Variants in ATP8A2 observed in about 807,000 individuals in gnomAD.
ATP8A2 encodes the protein phospholipid-transporting ATPase IB.
A neutral mutation model predicts 165.6 loss-of-function variants in ATP8A2; 100 were observed. The ratio of observed to expected loss-of-function variants is 0.60; its 90% CI spans 0.51 to 0.71. The LOEUF (loss-of-function observed/expected upper bound fraction) is 0.71, where lower values mean the gene tolerates loss of function less well. Ranked by LOEUF, ATP8A2 falls within the 30% of genes least tolerant of loss-of-function variation. The pLI is 0.00. For missense variants in ATP8A2, 1,227 were observed against 1,479.5 expected, an observed-to-expected ratio of 0.83 and a Z score of 2.80; for synonymous variants, 543 against 548.8, an observed-to-expected ratio of 0.99 and a Z score of 0.15.
intron 1 of ATP8A2, among the ~76,000 whole-genome samples, chr13:25,453,113 T>G (rs1363205340): frequency 6.6e-6 from 1 of 151,662 alleles, no homozygotes; most frequent in Non-Finnish European, 1.5e-5. Flanking sequence ...AAAAATAGTG[T>G]TATATGAACG....
intron 25 of ATP8A2, among the ~76,000 whole-genome samples, chr13:25,732,371 T>G (rs556492903): frequency 6.6e-6 from 1 of 152,320 alleles, no homozygotes; most frequent in Admixed American, 6.5e-5. Context: ...CCATTCACAC[T>G]GCAGTCCTCT....
chr13:25,564,557 T>TA (rs2039256012), intron 16 of ATP8A2, among the ~76,000 whole-genome samples: 1 of 152,200 alleles, frequency 6.6e-6, no homozygotes, highest in Non-Finnish European at 1.5e-5. Flanking sequence ...TGGCGAGTAG[T>TA]TACCCAGCGC....
intron 2 of ATP8A2, among the ~76,000 whole-genome samples, chr13:25,514,749 T>G (rs2037410501): frequency 6.6e-6 from 1 of 152,204 alleles, no homozygotes; most frequent in Non-Finnish European, 1.5e-5. Context: ...CCCTTTGCTT[T>G]CTATGCTTGC....
chr13:25,893,056 A>G (rs1354806791), intron 33 of ATP8A2, among the ~76,000 whole-genome samples: 1 of 150,922 alleles, frequency 6.6e-6, no homozygotes, highest in Non-Finnish European at 1.5e-5. Flanking sequence ...TCTTTTTTTT[A>G]TTATTATTAT....
At chr13:25,510,205 A>T (rs909399092) in intron 2 of ATP8A2, among the ~76,000 whole-genome samples, 11 of 130,814 alleles carry the variant, frequency 8.4e-5, no homozygotes, top group Admixed American at 6.2e-4. Context: ...ACACACACAC[A>T]CACACACACA....
chr13:25,372,055 T>C lies in ATP8A2; in HGVS notation c.-158T>C, dbSNP rs904736176. The C allele has an allele frequency of 3.0e-6, 1 of 338,816 alleles. No individual in the cohort carries two copies. Among genetic ancestry groups the C allele is most frequent in the Non-Finnish European group, 4.9e-6 (1 of 202,948 alleles). The allele number at this position is 338,816 out of a possible 1,614,324, so 21.0% of individuals were successfully genotyped here. A position where few individuals can be genotyped will look rare whatever the true frequency, so the allele number is the denominator to read the frequency against. On this transcript the variant is annotated 5_prime_UTR_variant, in exon 1 of 37. Coordinates refer to ENST00000381655, the MANE Select transcript of ATP8A2 (RefSeq NM_016529.6). This position sits in a 1 kb window ranked among gnomAD's most constrained non-coding sequence, Gnocchi z 4.8. ...CCGCTGCGGCACGGACGGCGCAGCC[T>C]CGGGCGCGGCCCGGCACAGGCGCCG... is the stretch of plus-strand genomic sequence containing the variant.
intron 1 of ATP8A2, among the ~76,000 whole-genome samples, chr13:25,439,994 G>A (rs753719146): frequency 1.3e-5 from 2 of 152,160 alleles, no homozygotes; most frequent in African/African-American, 2.4e-5. Flanking sequence ...AAATCCAAAG[G>A]TCATTTTATG....
chr13:25,961,541 G>C lies in ATP8A2; in HGVS notation c.3184-34G>C, dbSNP rs1185492343. ...TGTTGCTCTGTTTTTGAAAGAGAAA[G>C]TATTCAAGCAAGTGTCACTTCTATT... On this transcript the variant is annotated intron_variant, in intron 33 of 36. Transcript: ENST00000381655. The C allele has an allele frequency of 3.4e-6, 5 of 1,488,376 alleles. No individual in the cohort carries two copies. The African/African-American group carries it at 5.5e-5, about 16-fold the overall frequency. 92.2% of individuals were successfully genotyped at this position (1,488,376 alleles called of 1,614,324 possible).
chr13:25,823,765 T>G (rs559644797), intron 27 of ATP8A2, among the ~76,000 whole-genome samples: 2 of 152,320 alleles, frequency 1.3e-5, no homozygotes, highest in African/African-American at 4.8e-5. Context: ...TTTCCTAGGA[T>G]GAAGGATCCC....
intron 33 of ATP8A2, among the ~76,000 whole-genome samples, chr13:25,958,321 T>A (rs996679556): frequency 2.6e-5 from 4 of 152,138 alleles, no homozygotes; most frequent in African/African-American, 9.7e-5. Context: ...AAATTAACCT[T>A]TTCTAGTTTG....
intron 25 of ATP8A2, among the ~76,000 whole-genome samples, chr13:25,761,215 C>G (rs2044372191): frequency 6.6e-6 from 1 of 152,176 alleles, no homozygotes; most frequent in Non-Finnish European, 1.5e-5. Flanking sequence ...CATCTGGGCT[C>G]TTACATTACT....
At chr13:25,735,554 C>T (rs1262591133) in intron 25 of ATP8A2, among the ~76,000 whole-genome samples, 5 of 150,200 alleles carry the variant, frequency 3.3e-5, no homozygotes, top group Non-Finnish European at 5.9e-5. Flanking sequence ...AACCTCCACA[C>T]TGGCAAGGGT....
At position 25,905,039 on chromosome 13, in the gene ATP8A2, C is replaced by T. The variant is rs9581474; in HGVS notation, c.3183+42631C>T. Among the ~76,000 whole-genome samples the T allele has an allele frequency of 1.4e-3, 218 of 152,200 alleles. 1 individual carries two copies. Among genetic ancestry groups the T allele is most frequent in the African/African-American group, 4.5e-3 (188 of 41,522 alleles). ...GTACGCCCCACCCCCGCCACCGCCCCGAGGAGAAGAGTGTGTGCCCAGCCT... is the reference window on the plus strand; with the variant it reads ...GTACGCCCCACCCCCGCCACCGCCCTGAGGAGAAGAGTGTGTGCCCAGCCT... On this transcript the variant is annotated intron_variant, in intron 33 of 36. Transcript: ENST00000381655.
intron 27 of ATP8A2, among the ~76,000 whole-genome samples, chr13:25,821,996 C>T (rs558989016): frequency 3.3e-4 from 50 of 152,214 alleles, no homozygotes; most frequent in African/African-American, 1.1e-3. Flanking sequence ...ATTAATGATC[C>T]CTTATGTTTC....
intron 32 of ATP8A2, among the ~76,000 whole-genome samples, chr13:25,861,324 A>G (rs908058136): frequency 1.3e-5 from 2 of 152,214 alleles, no homozygotes; most frequent in African/African-American, 4.8e-5. Flanking sequence ...TTTAATTTAA[A>G]TATATATTAG....
intron 33 of ATP8A2, among the ~76,000 whole-genome samples, chr13:25,879,480 G>A (rs762362703): frequency 6.6e-5 from 10 of 152,190 alleles, no homozygotes; most frequent in Non-Finnish European, 8.8e-5. Context: ...TGAAAAAGCC[G>A]AAGAACCAGG....
chr13:25,866,915 A>G (rs1375228775), intron 33 of ATP8A2, among the ~76,000 whole-genome samples: 2 of 152,184 alleles, frequency 1.3e-5, no homozygotes, highest in Non-Finnish European at 2.9e-5. Context: ...GACGGTGACC[A>G]CCGTAAGGGC....
At chr13:25,529,153 A>G (rs1477476107) in intron 2 of ATP8A2, among the ~76,000 whole-genome samples, 2 of 152,120 alleles carry the variant, frequency 1.3e-5, no homozygotes, top group Non-Finnish European at 2.9e-5. Flanking sequence ...ATATATTATA[A>G]TTAAGAATAG....
chr13:25,831,370 G>A (rs542257409), intron 28 of ATP8A2, among the ~76,000 whole-genome samples: 8 of 151,494 alleles, frequency 5.3e-5, no homozygotes, highest in East Asian at 3.9e-4. Flanking sequence ...GCCCGCCACC[G>A]CGCCCGGCTA....
Sources: allele counts gnomAD v4.1 joint callset (sites outside exome capture counted in the v4.1 genomes callset), GRCh38; gene constraint gnomAD v4.1.1; non-coding constraint Gnocchi (gnomAD v3.1); transcripts MANE v1.5; gene names NCBI Gene and HGNC (gene_info 2026-07-23, HGNC 2026-07-21).